The following FAAH2 variants were observed in gnomAD, a reference collection of about 807,000 sequenced individuals.
FAAH2 encodes the protein fatty-acid amide hydrolase 2.
FAAH2 carries 60 observed loss-of-function variants against 36.9 expected under a neutral mutation model. The observed-to-expected ratio is 1.63, with a 90% CI of 1.32 to 2.02. The LOEUF is 2.02. FAAH2 is among the 30% of genes most tolerant of loss of function. FAAH2 has a pLI of 0.00. For synonymous variants in FAAH2, 214 were observed against 143.8 expected (o/e 1.49, Z -3.49); for missense variants, 689 against 397.5 (o/e 1.73, Z -6.23).
chrX:57,231,854 A>G, the FAAH2 span, among the ~76,000 whole-genome samples: 2 of 111,854 alleles, frequency 1.8e-5, no homozygotes, highest in African/African-American at 6.5e-5. Context: ...GAACATAAAC[A>G]TTAGAGGTTG....
chrX:57,393,956 A>T (rs879199078), intron 7 of FAAH2: 4 of 832,775 alleles, frequency 4.8e-6, no homozygotes, highest in East Asian at 6.3e-5. Context: ...TAGTCTGTTT[A>T]ACCTTTGTAT....
At position 57,322,160 on chromosome X, in the gene FAAH2, G is replaced by A. The variant is rs775522437; in HGVS notation, c.413-9438G>A. ...TGAGACTACAGGCATCCGCCACCGC[G>A]CCTGGCTAATTTTTTGTATTTTTAG... is the stretch of plus-strand genomic sequence containing the variant. On this transcript the variant is annotated intron_variant, in intron 3 of 10. Transcript: ENST00000374900. 2.0e-4 allele frequency among the ~76,000 whole-genome samples: 22 copies of A among 111,052 alleles called. No homozygotes were observed. The South Asian group carries it at 7.6e-3, about 38-fold the overall frequency.
chrX:57,459,096 C>A (rs974523937), intron 10 of FAAH2, among the ~76,000 whole-genome samples: 4 of 112,555 alleles, frequency 3.6e-5, no homozygotes, highest in African/African-American at 1.3e-4. Context: ...ATTCTCACAG[C>A]CAGCACAGTA....
intron 8 of FAAH2, among the ~76,000 whole-genome samples, chrX:57,444,541 G>A (rs1211121800): frequency 9.0e-6 from 1 of 111,538 alleles, no homozygotes; most frequent in Non-Finnish European, 1.9e-5. Context: ...GGAATTCTCC[G>A]ACCCCTTGTG....
At chrX:57,322,798 C>T (rs921908554) in intron 3 of FAAH2, among the ~76,000 whole-genome samples, 1 of 53,156 alleles carries the variant, frequency 1.9e-5, no homozygotes, top group Non-Finnish European at 4.1e-5. Flanking sequence ...GCTGCTAATG[C>T]TTGTGATTTC....
At chrX:57,408,346 G>A (rs2055617673) in intron 7 of FAAH2, among the ~76,000 whole-genome samples, 1 of 110,399 alleles carries the variant, frequency 9.1e-6, no homozygotes. Flanking sequence ...ATGTTATATA[G>A]TTATTAATGT....
the FAAH2 span, among the ~76,000 whole-genome samples, chrX:57,186,150 T>A: frequency 6.3e-5 from 7 of 111,898 alleles, no homozygotes; most frequent in Non-Finnish European, 1.3e-4. Flanking sequence ...CACCACACTG[T>A]CTTCCACAAT....
the FAAH2 span, among the ~76,000 whole-genome samples, chrX:57,203,993 G>A: frequency 1.4e-4 from 16 of 111,440 alleles, no homozygotes; most frequent in Admixed American, 1.5e-3. Flanking sequence ...AACTCTTGCT[G>A]TATTTCTTAG....
intron 9 of FAAH2, 126 bp from the exon 10 acceptor site, chrX:57,448,398 T>C (rs951184606): frequency 9.0e-6 from 6 of 663,591 alleles, no homozygotes; most frequent in Non-Finnish European, 1.1e-5. Flanking sequence ...AAAGTTTCCT[T>C]TTCCATCACT....
intron 10 of FAAH2, among the ~76,000 whole-genome samples, chrX:57,485,935 C>A (rs887462029): frequency 9.0e-6 from 1 of 111,710 alleles, no homozygotes; most frequent in East Asian, 2.8e-4. Flanking sequence ...CTGATAGCAA[C>A]CCTGGACAGC....
At chrX:57,435,979 T>C (rs1322976618) in intron 8 of FAAH2, among the ~76,000 whole-genome samples, 1 of 111,051 alleles carries the variant, frequency 9.0e-6, no homozygotes, top group African/African-American at 3.3e-5. Flanking sequence ...ACAAAACAAG[T>C]CTCAATGAAT....
At chrX:57,206,284 C>T in the FAAH2 span, among the ~76,000 whole-genome samples, 2 of 111,891 alleles carry the variant, frequency 1.8e-5, no homozygotes, top group African/African-American at 6.5e-5. Context: ...TTTTGAAAGT[C>T]ATTTAATGTT....
intron 7 of FAAH2, among the ~76,000 whole-genome samples, chrX:57,397,385 C>A (rs1034337239): frequency 6.3e-5 from 7 of 111,977 alleles, no homozygotes; most frequent in African/African-American, 2.3e-4. Context: ...GCACATGTGA[C>A]ATGTGCTTTT....
At chrX:57,449,521 G>A (rs184095759) in intron 10 of FAAH2, among the ~76,000 whole-genome samples, 2 of 111,710 alleles carry the variant, frequency 1.8e-5, no homozygotes, top group African/African-American at 6.5e-5. Context: ...GAAATAATAC[G>A]TGTAAATTAA....
chrX:57,134,646 T>C, the FAAH2 span: 4 of 111,474 alleles, frequency 3.6e-5, no homozygotes, highest in Non-Finnish European at 7.5e-5. Context: ...CAGTAAGATT[T>C]CATTTTTTCT....
intron 3 of FAAH2, among the ~76,000 whole-genome samples, chrX:57,316,359 A>G (rs2052838769): frequency 8.9e-6 from 1 of 112,095 alleles, no homozygotes; most frequent in Admixed American, 9.5e-5. Context: ...ACATTTTTCA[A>G]AGAATTGGAA....
the FAAH2 span, among the ~76,000 whole-genome samples, chrX:57,264,300 T>C: frequency 8.9e-6 from 1 of 112,411 alleles, no homozygotes; most frequent in African/African-American, 3.2e-5. Flanking sequence ...TCCACATATC[T>C]GGCAAAGGAC....
At chrX:57,452,567 A>G (rs561468034) in intron 10 of FAAH2, among the ~76,000 whole-genome samples, 2 of 112,843 alleles carry the variant, frequency 1.8e-5, no homozygotes, top group East Asian at 2.8e-4. Context: ...GTCTGTTTCT[A>G]TCTTGTTCAC....
intron 10 of FAAH2, among the ~76,000 whole-genome samples, chrX:57,470,777 T>C (rs2057150520): frequency 9.0e-6 from 1 of 111,428 alleles, no homozygotes; most frequent in Non-Finnish European, 1.9e-5. Flanking sequence ...TACCAAAGCC[T>C]GGCAGAGACA....
Sources: gnomAD v4.1 joint callset for allele counts (sites outside exome capture counted in the v4.1 genomes callset) on GRCh38, gnomAD v4.1.1 for gene constraint, MANE v1.5 for transcripts, NCBI Gene and HGNC (gene_info 2026-07-23, HGNC 2026-07-21) for gene names.